Variants in NELL2 observed in about 807,000 individuals in gnomAD.
NELL2 encodes protein kinase C-binding protein NELL2.
In NELL2, 41 loss-of-function variants were observed where a neutral mutation model predicts 109.6. The observed-to-expected ratio is 0.37, with a 90% confidence interval of 0.29 to 0.49. The LOEUF (loss-of-function observed/expected upper bound fraction) is 0.49, where lower values mean the gene tolerates loss of function less well. Among genes scored for constraint, NELL2 ranks in the 20% least tolerant of loss-of-function variants. The pLI is 0.98. For missense variants in NELL2, 900 were observed against 1,008.3 expected, an observed-to-expected ratio of 0.89 and a Z score of 1.45; for synonymous variants, 355 against 344.7, an observed-to-expected ratio of 1.03 and a Z score of -0.33.
chr12:44,585,327 C>T (rs745405977), intron 15 of NELL2, among the ~76,000 whole-genome samples: 5 of 152,016 alleles, frequency 3.3e-5, no homozygotes, highest in African/African-American at 7.2e-5. Flanking sequence ...AGAGGCTGGG[C>T]GCAGTGGCTC....
chr12:44,537,531 T>C (rs988420564), intron 15 of NELL2, among the ~76,000 whole-genome samples: 4 of 152,094 alleles, frequency 2.6e-5, no homozygotes, highest in Non-Finnish European at 5.9e-5. Flanking sequence ...TTATCATTAA[T>C]AAAAATATGA....
chr12:44,651,173 C>T (rs1374919513), intron 13 of NELL2, among the ~76,000 whole-genome samples: 1 of 152,174 alleles, frequency 6.6e-6, no homozygotes, highest in Non-Finnish European at 1.5e-5. Context: ...CATCCCTACC[C>T]CACCCCACTT....
intron 2 of NELL2, among the ~76,000 whole-genome samples, chr12:44,864,038 T>C (rs1012221912): frequency 1.3e-5 from 2 of 151,684 alleles, no homozygotes; most frequent in African/African-American, 4.8e-5. Context: ...TTGTGGTAAC[T>C]ACAAAGAAAA....
chr12:44,532,915 T>C (rs1436809389), intron 15 of NELL2, among the ~76,000 whole-genome samples, 194 bp from the exon 16 acceptor site: 1 of 152,148 alleles, frequency 6.6e-6, no homozygotes, highest in Non-Finnish European at 1.5e-5. Flanking sequence ...AGGAGAAACA[T>C]CTAGAAGGCT....
chr12:44,894,437 G>A (rs1945570868), intron 1 of NELL2, among the ~76,000 whole-genome samples: 1 of 152,162 alleles, frequency 6.6e-6, no homozygotes, highest in African/African-American at 2.4e-5. Context: ...CTAAAGCAAG[G>A]TAAGTGATGC....
intron 9 of NELL2, among the ~76,000 whole-genome samples, chr12:44,747,238 G>C (rs1042843166): frequency 2.7e-5 from 4 of 148,176 alleles, no homozygotes; most frequent in Admixed American, 6.7e-5. Context: ...TCATATGTGG[G>C]AATTGAACAA....
chr12:44,515,004 A>C (rs1358049068), intron 19 of NELL2, among the ~76,000 whole-genome samples: 2 of 151,486 alleles, frequency 1.3e-5, no homozygotes, highest in East Asian at 3.9e-4. Flanking sequence ...GTTATAGTTT[A>C]AAATCCAATA....
At chr12:44,838,383 C>A (rs1211051716) in intron 2 of NELL2, among the ~76,000 whole-genome samples, 1 of 152,084 alleles carries the variant, frequency 6.6e-6, no homozygotes, top group Non-Finnish European at 1.5e-5. Context: ...ACACAAATTA[C>A]CTACATTTGA....
At chr12:44,564,689 T>C (rs956777983) in intron 15 of NELL2, among the ~76,000 whole-genome samples, 1 of 152,242 alleles carries the variant, frequency 6.6e-6, no homozygotes, top group Non-Finnish European at 1.5e-5. Flanking sequence ...ATTAGGAATC[T>C]ATTCATTTAT....
chr12:44,603,710 C>G (rs1945301092), intron 15 of NELL2, among the ~76,000 whole-genome samples: 1 of 152,110 alleles, frequency 6.6e-6, no homozygotes, highest in Non-Finnish European at 1.5e-5. Flanking sequence ...AAAAATCATA[C>G]ACATCGCCCT....
intron 2 of NELL2, among the ~76,000 whole-genome samples, chr12:44,820,496 C>G (rs1486264915): frequency 2.0e-5 from 3 of 151,760 alleles, no homozygotes; most frequent in Non-Finnish European, 2.9e-5. Flanking sequence ...GTAGCCCCAG[C>G]TACTCGGGAG....
At chr12:44,912,895 A>C (rs1306032777) in intron 1 of NELL2, among the ~76,000 whole-genome samples, 2 of 152,092 alleles carry the variant, frequency 1.3e-5, no homozygotes, top group Non-Finnish European at 2.9e-5. Flanking sequence ...TAGCTATTCC[A>C]CTTACTAGCT....
chr12:44,636,566 T>C (rs902036155), intron 13 of NELL2, among the ~76,000 whole-genome samples: 5 of 152,296 alleles, frequency 3.3e-5, no homozygotes, highest in Admixed American at 2.6e-4. Flanking sequence ...ATTGGTTCTG[T>C]TTATGTGATG....
chr12:44,600,261 G>C (rs1473702542), intron 15 of NELL2, among the ~76,000 whole-genome samples: 1 of 150,860 alleles, frequency 6.6e-6, no homozygotes, highest in East Asian at 1.9e-4. Flanking sequence ...CGCCCGCCTC[G>C]TCCTCCGAAA....
chr12:44,665,473 C>T lies in NELL2; in HGVS notation c.1444+11G>A, dbSNP rs781270350. 1.0e-5 allele frequency: 16 copies of T among 1,572,478 alleles called. No individual in the cohort carries two copies. In the East Asian group the frequency reaches 2.2e-4, roughly 22 times the overall value. On this transcript the variant is annotated intron_variant, in intron 13 of 19. Transcript: ENST00000429094. ...TAAAAATATTTTATTTCACAAATAG[C>T]CACCGTTTACCTGTACATGAATAAT...
In NELL2 at chr12:44,714,780, G is replaced by GA. The variant is rs773259638; in HGVS notation, c.995-40dup. The GA allele has an allele frequency of 4.5e-6, 6 of 1,333,066 alleles. No homozygotes were observed. In the African/African-American group the frequency reaches 6.0e-5, roughly 13 times the overall value. The allele number at this position is 1,333,066 out of a possible 1,614,324, so 82.6% of individuals were successfully genotyped here. A position where few individuals can be genotyped will look rare whatever the true frequency, so the allele number is the denominator to read the frequency against. Reference sequence around the variant, plus strand: ...AATACATATATATTTATTTTATTGGGAAAAATAGCTTAGAAGGGATCAGAT... The same window carrying GA: ...AATACATATATATTTATTTTATTGGGAAAAAATAGCTTAGAAGGGATCAGAT... On this transcript the variant is annotated intron_variant, in intron 9 of 19. Coordinates refer to ENST00000429094, the MANE Select transcript of NELL2 (RefSeq NM_001145108.2).
chr12:44,606,332 GTATC>G (rs2136245322), intron 15 of NELL2, among the ~76,000 whole-genome samples: 1 of 152,234 alleles, frequency 6.6e-6, no homozygotes, highest in South Asian at 2.1e-4. Context: ...AGCATGTACT[GTATC>G]TATTGCATTG....
Position 44,743,657 on chromosome 12 carries a change from C to G in NELL2, c.995-28916G>C, listed in dbSNP as rs543004398. ...AAGGCAGAGGTTGCAATCCTAGTCT[C>G]TGATAAAACAGACTTTAAACCAACA... On this transcript the variant is annotated intron_variant, in intron 9 of 19. Transcript: ENST00000429094. Among the ~76,000 whole-genome samples, 8 of 152,236 alleles carry G rather than the reference C, an allele frequency of 5.3e-5. No homozygotes were observed. The East Asian group carries it at 9.7e-4, about 18-fold the overall frequency.
chr12:44,907,197 C>T (rs1945729361), intron 1 of NELL2, among the ~76,000 whole-genome samples: 1 of 152,058 alleles, frequency 6.6e-6, no homozygotes, highest in South Asian at 2.1e-4. Context: ...AACCTCTTTC[C>T]TTCATAAATT....
Sources: allele counts gnomAD v4.1 joint callset (sites outside exome capture counted in the v4.1 genomes callset), GRCh38; gene constraint gnomAD v4.1.1; transcripts MANE v1.5; gene names NCBI Gene and HGNC (gene_info 2026-07-23, HGNC 2026-07-21).